Variants in PCDHGA8 observed in about 807,000 individuals in gnomAD.
PCDHGA8 encodes the protein protocadherin gamma-A8.
In PCDHGA8, 45 loss-of-function variants were observed where a neutral mutation model predicts 59.2. The observed-to-expected ratio is 0.76, with a 90% CI of 0.60 to 0.98. PCDHGA8 has a LOEUF of 0.98. PCDHGA8 is among the 50% of genes least tolerant of loss of function. The probability of loss-of-function intolerance (pLI) is 0.00; values close to 1 mark genes in which losing one functional copy is unlikely to be tolerated. For synonymous variants in PCDHGA8, 531 were observed against 519.0 expected (o/e 1.02, Z -0.32); for missense variants, 1,257 against 1,196.2 (o/e 1.05, Z -0.75).
At chr5:141,399,758 T>G in intron 1 of PCDHGA8, 1 of 1,613,334 alleles carries the variant, frequency 6.2e-7, no homozygotes, top group Non-Finnish European at 8.5e-7. Context: ...AACGTGAGCC[T>G]GCGCGTGTTG....
chr5:141,498,294 G>A (rs2099782964), intron 2 of PCDHGA8, among the ~76,000 whole-genome samples: 1 of 151,910 alleles, frequency 6.6e-6, no homozygotes, highest in African/African-American at 2.4e-5. Flanking sequence ...GATCAAGCCA[G>A]CTCTGGGTCA....
intron 1 of PCDHGA8, among the ~76,000 whole-genome samples, chr5:141,447,993 T>A (rs2098557542): frequency 6.6e-6 from 1 of 151,554 alleles, no homozygotes; most frequent in Non-Finnish European, 1.5e-5. Context: ...GGCTGAGGCA[T>A]GAGAATCGCT....
chr5:141,488,497 C>T (rs1054409265), intron 1 of PCDHGA8, among the ~76,000 whole-genome samples: 3 of 152,204 alleles, frequency 2.0e-5, no homozygotes, highest in South Asian at 2.1e-4. Flanking sequence ...CTGTAACACT[C>T]ATTCCACATT....
At chr5:141,413,785 C>G (rs771027783) in intron 1 of PCDHGA8, 17 of 1,613,070 alleles carry the variant, frequency 1.1e-5, no homozygotes, top group Non-Finnish European at 1.4e-5. Flanking sequence ...GGAGCACTCC[C>G]TAGATCGCGA....
chr5:141,421,469 G>T (rs767500900), intron 1 of PCDHGA8: 1 of 1,614,122 alleles, frequency 6.2e-7, no homozygotes, highest in South Asian at 1.1e-5. Flanking sequence ...GTGAATCCGC[G>T]AAGCGGCAGC....
rs1296711922 is a variant in PCDHGA8, at chr5:141,393,707, T to G, written c.894T>G (p.Thr298=). The change falls in exon 1 of 4, where the codon ACT becomes ACG. Residue 298 remains threonine, a synonymous_variant. Coordinates refer to ENST00000398604, the MANE Select transcript of PCDHGA8 (RefSeq NM_032088.2). ...CGTTATTCCAGCTTAATGAAAATAC[T>G]GGGGAAATATCAATAGCAAAAAGTC... The part of the protein sequence containing the change: ...QTPLFQLNEN[T]GEISIAKSLD... 6.2e-7 allele frequency: 1 copy of G among 1,613,882 alleles called. No homozygotes were observed. Among genetic ancestry groups the G allele is most frequent in the East Asian group, 2.2e-5 (1 of 44,890 alleles).
rs537087639 is a variant in PCDHGA8 at position 141,510,502 on chromosome 5, G to A, written c.2573-445G>A. 3.3e-5 allele frequency among the ~76,000 whole-genome samples: 5 copies of A among 152,296 alleles called. No homozygotes were observed. The South Asian group carries it at 6.2e-4, about 19-fold the overall frequency. ...CTTGAGAAAGCCAGGGCAAGGAACTGAGAGCCCGTGTCACAGCCCTGAGAG... is the reference window on the plus strand; with the variant it reads ...CTTGAGAAAGCCAGGGCAAGGAACTAAGAGCCCGTGTCACAGCCCTGAGAG... On this transcript the variant is annotated intron_variant, in intron 3 of 3. Coordinates refer to ENST00000398604, the MANE Select transcript of PCDHGA8 (RefSeq NM_032088.2).
In PCDHGA8 at chr5:141,409,580, C is replaced by T. The variant is rs969743613; in HGVS notation, c.2424+14343C>T. The T allele has an allele frequency of 3.7e-6, 6 of 1,613,922 alleles. No homozygotes were observed. The Admixed American group carries it at 8.3e-5, about 22-fold the overall frequency. The stretch of plus-strand genomic sequence containing the variant: ...TTTCGACCAGACGTCCTACGTGGTC[C>T]ACGTGGCCGAGAACAACCCGCCAGG... On this transcript the variant is annotated intron_variant, in intron 1 of 3. Transcript: ENST00000398604.
At chr5:141,447,798 A>G (rs2098551922) in intron 1 of PCDHGA8, among the ~76,000 whole-genome samples, 2 of 152,230 alleles carry the variant, frequency 1.3e-5, no homozygotes, top group Admixed American at 1.3e-4. Context: ...TTAAGAAAAT[A>G]AAATTGGCTG....
chr5:141,505,645 G>A (rs997169182), intron 3 of PCDHGA8, 164 bp downstream of exon 3: 2 of 964,274 alleles, frequency 2.1e-6, no homozygotes, highest in African/African-American at 1.8e-5. Flanking sequence ...GCCTGGAATT[G>A]TGGCTAAGGA....
chr5:141,413,256 A>G (rs1255086187), intron 1 of PCDHGA8: 2 of 1,613,946 alleles, frequency 1.2e-6, no homozygotes, highest in Admixed American at 1.7e-5. Context: ...TCGGGATTCC[A>G]TGGGAGGCTG....
intron 2 of PCDHGA8, among the ~76,000 whole-genome samples, chr5:141,498,872 G>T (rs912789877): frequency 1.4e-4 from 21 of 151,650 alleles, no homozygotes; most frequent in Non-Finnish European, 2.9e-4. Flanking sequence ...GGCGGAGGTT[G>T]CAGTGAGCTG....
At position 141,395,116 on chromosome 5, in the gene PCDHGA8, T is replaced by C. The variant is rs1255512461; in HGVS notation, c.2303T>C (p.Leu768Pro). Reference protein sequence around the residue: ...SLTADSRKSHLIFPQPNYADM... With the variant: ...SLTADSRKSHPIFPQPNYADM... ...ACCGCCGACTCGCGGAAGAGTCACCTGATCTTTCCCCAGCCCAACTACGCA... is the reference window on the plus strand; with the variant it reads ...ACCGCCGACTCGCGGAAGAGTCACCCGATCTTTCCCCAGCCCAACTACGCA... The change falls in exon 1 of 4, where the codon CTG becomes CCG. Residue 768 changes from leucine to proline, a missense_variant. Transcript: ENST00000398604. The C allele has an allele frequency of 1.9e-6, 3 of 1,614,216 alleles. No individual in the cohort carries two copies. The highest frequency in any genetic ancestry group is 3.3e-5 in the Admixed American group (2 of 60,028).
At chr5:141,504,065 G>C (rs1291060280) in intron 2 of PCDHGA8, among the ~76,000 whole-genome samples, 2 of 152,060 alleles carry the variant, frequency 1.3e-5, no homozygotes, top group African/African-American at 2.4e-5. Context: ...AAACTTCTCT[G>C]AGCCAGATGG....
chr5:141,461,409 A>ATATGTTTGT (rs1491521215), intron 1 of PCDHGA8, among the ~76,000 whole-genome samples: 2 of 151,810 alleles, frequency 1.3e-5, no homozygotes, highest in Non-Finnish European at 2.9e-5. Context: ...GCATTTTTTC[A>ATATGTTTGT]TATGTTTGTG....
intron 1 of PCDHGA8, chr5:141,423,296 T>G (rs771340929): frequency 6.2e-7 from 1 of 1,614,124 alleles, no homozygotes; most frequent in Non-Finnish European, 8.5e-7. Context: ...ACCTCAGACC[T>G]CTCGCTGTAC....
At chr5:141,415,640 T>C in intron 1 of PCDHGA8, 1 of 1,594,726 alleles carries the variant, frequency 6.3e-7, no homozygotes, top group Non-Finnish European at 8.5e-7. Context: ...TTTACTTTTG[T>C]TAAAAAAAAA....
chr5:141,476,157 G>A lies in PCDHGA8; in HGVS notation c.2425-18650G>A. On this transcript the variant is annotated intron_variant, in intron 1 of 3. Transcript: ENST00000398604. The surrounding 1 kb of genome is among the most constrained non-coding windows in gnomAD (Gnocchi z 7.6). ...TGGAGGAGCGGACTGGTAAGCACCG[G>A]GAGGGTAGTGGGAGTTTTGCTTCTG... 1 of 1,612,752 alleles carries A rather than the reference G, an allele frequency of 6.2e-7. No homozygotes were observed. Among genetic ancestry groups the A allele is most frequent in the Non-Finnish European group, 8.5e-7 (1 of 1,179,898 alleles).
chr5:141,433,283 T>A, intron 1 of PCDHGA8: 1 of 1,183,074 alleles, frequency 8.5e-7, no homozygotes, highest in Non-Finnish European at 1.2e-6. Flanking sequence ...AGCCTCAAAC[T>A]CCTAGGCTCA....
Sources: gnomAD v4.1 joint callset for allele counts (sites outside exome capture counted in the v4.1 genomes callset) on GRCh38, gnomAD v4.1.1 for gene constraint, Gnocchi (gnomAD v3.1) non-coding constraint, MANE v1.5 for transcripts, NCBI Gene and HGNC (gene_info 2026-07-23, HGNC 2026-07-21) for gene names.